Variants in SDK1 observed in about 807,000 individuals in gnomAD.
The protein encoded by SDK1 is protein sidekick-1.
SDK1 carries 157 observed loss-of-function variants against 245.5 expected under a neutral mutation model. The observed-to-expected ratio is 0.64, with a 90% confidence interval of 0.56 to 0.73. The LOEUF (loss-of-function observed/expected upper bound fraction) is 0.73, where lower values mean the gene tolerates loss of function less well. SDK1 is among the 30% of genes least tolerant of loss of function. The pLI is 0.00. For synonymous variants in SDK1, 1,647 were observed against 1,278.5 expected, an observed-to-expected ratio of 1.29 and a Z score of -6.15; for missense variants, 3,583 against 3,002.3, an observed-to-expected ratio of 1.19 and a Z score of -4.52.
chr7:4,124,120 C>A (rs1396421541), intron 25 of SDK1, among the ~76,000 whole-genome samples: 1 of 152,218 alleles, frequency 6.6e-6, no homozygotes, highest in Admixed American at 6.5e-5. Flanking sequence ...TAGGGAAACA[C>A]CTGTTTGTGG....
chr7:4,018,295 C>G (rs1032609384), intron 17 of SDK1, among the ~76,000 whole-genome samples: 23 of 152,334 alleles, frequency 1.5e-4, no homozygotes, highest in Non-Finnish European at 3.2e-4. Flanking sequence ...ATTCTCTCCC[C>G]AAATCATGCC....
At chr7:3,665,242 C>T (rs1156787803) in intron 4 of SDK1, among the ~76,000 whole-genome samples, 4 of 152,206 alleles carry the variant, frequency 2.6e-5, no homozygotes, top group African/African-American at 4.8e-5. Context: ...AGTCCACTAT[C>T]ATCCCCACCT....
rs189634167 is a variant in SDK1 at position 3,361,301 on chromosome 7, G to A, written c.298+59417G>A. Among the ~76,000 whole-genome samples the A allele has an allele frequency of 1.6e-4, 25 of 152,300 alleles. 2 individuals are homozygous for A. Among genetic ancestry groups the A allele is most frequent in the South Asian group, 4.1e-4 (2 of 4,822 alleles). On this transcript the variant is annotated intron_variant, in intron 1 of 44. Transcript: ENST00000404826. ...TTTAAAACCCGAATTGAAATTAGTC[G>A]TAAATTTTTAAACACTTATGGTGAG...
intron 5 of SDK1, among the ~76,000 whole-genome samples, chr7:3,892,750 T>C (rs1018571226): frequency 2.0e-5 from 3 of 152,124 alleles, no homozygotes; most frequent in Admixed American, 6.5e-5. Flanking sequence ...CAGGTGGACA[T>C]CCAGCTATGC....
chr7:4,045,047 C>T (rs1788919497), intron 17 of SDK1, among the ~76,000 whole-genome samples: 1 of 152,134 alleles, frequency 6.6e-6, no homozygotes, highest in South Asian at 2.1e-4. Flanking sequence ...AACCTGGCTT[C>T]CTTCCCTTAG....
At chr7:3,590,592 C>G (rs1401337892) in intron 1 of SDK1, among the ~76,000 whole-genome samples, 2 of 152,058 alleles carry the variant, frequency 1.3e-5, no homozygotes, top group Non-Finnish European at 2.9e-5. Context: ...AATGAAAAGT[C>G]TAAAGATATT....
At chr7:4,233,850 C>A (rs947988946) in intron 41 of SDK1, among the ~76,000 whole-genome samples, 1 of 152,096 alleles carries the variant, frequency 6.6e-6, no homozygotes, top group African/African-American at 2.4e-5. Flanking sequence ...CCAGCAAGGC[C>A]CCTTATGGGC....
intron 4 of SDK1, among the ~76,000 whole-genome samples, chr7:3,704,205 C>T (rs189623136): frequency 3.9e-5 from 6 of 152,124 alleles, no homozygotes; most frequent in East Asian, 1.9e-4. Context: ...TTCAAGTTTC[C>T]GCCAAAGACG....
intron 4 of SDK1, among the ~76,000 whole-genome samples, chr7:3,784,065 C>CTTTTTCT (rs1009467629): frequency 6.7e-6 from 1 of 149,212 alleles, no homozygotes; most frequent in Non-Finnish European, 1.5e-5. Flanking sequence ...AATTTATTTT[C>CTTTTTCT]TTTTTCTTTT....
chr7:3,613,664 C>T (rs10230687), intron 1 of SDK1, among the ~76,000 whole-genome samples: 12 of 152,244 alleles, frequency 7.9e-5, no homozygotes, highest in Middle Eastern at 6.8e-3. Context: ...GAATATAAAT[C>T]GTTCTATTAT....
At chr7:3,747,760 C>T (rs374695765) in intron 4 of SDK1, among the ~76,000 whole-genome samples, 22 of 151,726 alleles carry the variant, frequency 1.4e-4, no homozygotes, top group South Asian at 4.2e-4. Context: ...AATGTTGAAA[C>T]GCAGAGGAGT....
chr7:3,676,288 G>T (rs1783892571), intron 4 of SDK1, among the ~76,000 whole-genome samples: 1 of 150,860 alleles, frequency 6.6e-6, no homozygotes, highest in Admixed American at 6.6e-5. Flanking sequence ...GAAAGTGCTG[G>T]AATTACACGT....
chr7:3,353,107 A>C (rs1780703452), intron 1 of SDK1, among the ~76,000 whole-genome samples: 1 of 152,138 alleles, frequency 6.6e-6, no homozygotes, highest in Non-Finnish European at 1.5e-5. Context: ...ACCCTGCAGC[A>C]ATTCTATTTC....
At chr7:3,490,423 A>T (rs1345605040) in intron 1 of SDK1, among the ~76,000 whole-genome samples, 1 of 152,200 alleles carries the variant, frequency 6.6e-6, no homozygotes, top group African/African-American at 2.4e-5. Flanking sequence ...AAATAAATTT[A>T]TGCATTCAAT....
chr7:4,232,707 G>A (rs938956496), intron 40 of SDK1, among the ~76,000 whole-genome samples: 7 of 151,942 alleles, frequency 4.6e-5, no homozygotes, highest in African/African-American at 1.5e-4. Flanking sequence ...AAGCAGTCCT[G>A]TAACCGCAGC....
chr7:4,177,734 A>C (rs1782302274), intron 34 of SDK1, among the ~76,000 whole-genome samples: 1 of 152,198 alleles, frequency 6.6e-6, no homozygotes, highest in African/African-American at 2.4e-5. Flanking sequence ...AGTGCATCCC[A>C]TTTATTGTGT....
intron 17 of SDK1, among the ~76,000 whole-genome samples, chr7:4,038,808 G>A (rs7805933): frequency 0.31 from 47,723 of 152,098 alleles, 11,722 homozygotes; most frequent in African/African-American, 0.69. Context: ...AATTTTCCCA[G>A]TTCTGATCTT....
chr7:3,900,607 C>T (rs575454271), intron 5 of SDK1, among the ~76,000 whole-genome samples: 2 of 152,196 alleles, frequency 1.3e-5, no homozygotes, highest in East Asian at 1.9e-4. Context: ...TCTTTTTCTC[C>T]CACCTTTATT....
At chr7:3,563,775 T>C (rs894050633) in intron 1 of SDK1, among the ~76,000 whole-genome samples, 2 of 152,132 alleles carry the variant, frequency 1.3e-5, no homozygotes, top group South Asian at 2.1e-4. Flanking sequence ...GGAGTGATTA[T>C]AAAAATAAAC....
Sources: gnomAD v4.1 joint callset for allele counts (sites outside exome capture counted in the v4.1 genomes callset) on GRCh38, gnomAD v4.1.1 for gene constraint, MANE v1.5 for transcripts, NCBI Gene and HGNC (gene_info 2026-07-23, HGNC 2026-07-21) for gene names.